Variants in ABR observed in about 807,000 individuals in gnomAD.
ABR encodes the protein ABR activator of RhoGEF and GTPase.
ABR carries 35 observed loss-of-function variants against 107.2 expected under a neutral mutation model. That is an observed-to-expected ratio of 0.33 (90% confidence interval 0.25 to 0.43). ABR has a LOEUF of 0.43. ABR is among the 20% of genes least tolerant of loss of function. The pLI is 1.00. For missense variants in ABR, 815 were observed against 1,115.2 expected (o/e 0.73, Z 3.83); for synonymous variants, 498 against 462.0 (o/e 1.08, Z -1.00).
Position 1,091,826 on chromosome 17 carries a change from C to A in ABR, c.370G>T (p.Ala124Ser). The A allele has an allele frequency of 6.2e-7, 1 of 1,613,260 alleles. No individual in the cohort carries two copies. The highest frequency in any genetic ancestry group is 8.5e-7 in the Non-Finnish European group (1 of 1,179,620). ...GTGAGCACGGGCTGGGAGGTGGTGG[C>A]GGTGGCCTTCAGGGGTTTCATGGGC... ...LLPMKPLKATATTSQPVLTIQ... is the reference protein window; with the variant it reads ...LLPMKPLKATSTTSQPVLTIQ... The change falls in exon 4 of 23, where the codon GCC (alanine) becomes TCC (serine). Residue 124 changes from alanine (A) to serine (S), a missense_variant. Ala to Ser is a moderately conservative substitution (Grantham distance 99). This residue lies in a region of ABR where 385 missense variants were observed against 596.9 expected (regional missense o/e 0.64). Coordinates refer to ENST00000302538, the MANE Select transcript of ABR (RefSeq NM_021962.5).
At chr17:1,034,492 C>T (rs1464062794) in intron 16 of ABR, among the ~76,000 whole-genome samples, 4 of 152,194 alleles carry the variant, frequency 2.6e-5, no homozygotes, top group Admixed American at 6.5e-5. Flanking sequence ...TCCCATATTA[C>T]GGCCTCAGAA....
At chr17:1,067,653 T>C (rs1776685349) in intron 9 of ABR, among the ~76,000 whole-genome samples, 1 of 152,220 alleles carries the variant, frequency 6.6e-6, no homozygotes, top group Non-Finnish European at 1.5e-5. Flanking sequence ...CAGGTGTTAT[T>C]CCAAATGCCA....
At chr17:1,068,971 CGTG>C (rs1186082861) in intron 9 of ABR, among the ~76,000 whole-genome samples, 1 of 152,172 alleles carries the variant, frequency 6.6e-6, no homozygotes, top group Non-Finnish European at 1.5e-5. Flanking sequence ...TAGCAGGAGA[CGTG>C]GTGAATATTC....
At chr17:1,192,707 G>A (rs975809839) in intron 1 of ABR, among the ~76,000 whole-genome samples, 1 of 152,184 alleles carries the variant, frequency 6.6e-6, no homozygotes, top group South Asian at 2.1e-4. Context: ...GAGGCCACGA[G>A]TTCAAGACCA....
At chr17:1,101,136 T>A (rs915927647) in intron 2 of ABR, 6 of 155,352 alleles carry the variant, frequency 3.9e-5, no homozygotes, top group Non-Finnish European at 3.8e-5. Context: ...TATGCCAGAC[T>A]AATTTTTTTT....
At chr17:1,191,195 C>T (rs1210837547), upstream of ABR, among the ~76,000 whole-genome samples, 1 of 152,098 alleles carries the variant, frequency 6.6e-6, no homozygotes, top group African/African-American at 2.4e-5. Flanking sequence ...ATCCGGTTCT[C>T]GGGCCTCGAG....
rs2040651621 is a variant in ABR at position 1,148,544 on chromosome 17, G to C, written c.62-23177C>G. Among the ~76,000 whole-genome samples the C allele has an allele frequency of 6.6e-6, 1 of 152,210 alleles. No homozygotes were observed. The highest frequency in any genetic ancestry group is 2.4e-5 in the African/African-American group (1 of 41,454). ...AACCAGGATGCACAGCCGGAGGTGAGTGGTGGGTGAGCAAGCGTCACCCCC... is the reference window on the plus strand; with the variant it reads ...AACCAGGATGCACAGCCGGAGGTGACTGGTGGGTGAGCAAGCGTCACCCCC... On this transcript the variant is annotated intron_variant, in intron 1 of 22. Transcript: ENST00000302538. The surrounding 1 kb of genome is among the most constrained non-coding windows in gnomAD (Gnocchi z 4.9).
rs1050060880 is a variant in ABR, at chr17:1,070,660, C to T, written c.895-570G>A. Among the ~76,000 whole-genome samples the T allele has an allele frequency of 1.3e-5, 2 of 152,000 alleles. No homozygotes were observed. The highest frequency in any genetic ancestry group is 6.6e-5 in the Admixed American group (1 of 15,256). ...TGGGGATGAGACCTGGGCCCTCCAG[C>T]CTGGGACTGCAGCAGTGCCCAGAGG... On this transcript the variant is annotated intron_variant, in intron 8 of 22. Coordinates refer to ENST00000302538, the MANE Select transcript of ABR (RefSeq NM_021962.5). This position sits in a 1 kb window ranked among gnomAD's most constrained non-coding sequence, Gnocchi z 4.2.
Position 1,027,870 on chromosome 17 carries a change from C to T in ABR, c.1792-14706G>A, listed in dbSNP as rs73285568. ...CAGAAGGCTGCGAGATCTTTCCTGACGCCCAGACTGGATTATAAAATAAAG... is the reference window on the plus strand; with the variant it reads ...CAGAAGGCTGCGAGATCTTTCCTGATGCCCAGACTGGATTATAAAATAAAG... On this transcript the variant is annotated intron_variant, in intron 16 of 22. Transcript: ENST00000302538. The surrounding 1 kb of genome is among the most constrained non-coding windows in gnomAD (Gnocchi z 4.7). 5.3e-3 allele frequency among the ~76,000 whole-genome samples: 807 copies of T among 152,120 alleles called. 7 individuals are homozygous for T. Among genetic ancestry groups the T allele is most frequent in the African/African-American group, 0.018 (749 of 41,472 alleles).
chr17:1,113,844 A>G (rs2038853671), intron 2 of ABR, among the ~76,000 whole-genome samples: 1 of 152,202 alleles, frequency 6.6e-6, no homozygotes, highest in Admixed American at 6.5e-5. Flanking sequence ...AGTTAGTTAT[A>G]CATTTTTCCT....
chr17:1,105,977 C>T (rs2038219982), intron 2 of ABR, among the ~76,000 whole-genome samples: 1 of 152,160 alleles, frequency 6.6e-6, no homozygotes, highest in Admixed American at 6.5e-5. Context: ...CTACAACGCC[C>T]CCGTCACAAC....
chr17:1,057,932 G>A (rs768458049), intron 12 of ABR, 38 bp downstream of exon 12: 36 of 1,569,892 alleles, frequency 2.3e-5, no homozygotes, highest in South Asian at 1.7e-4. Flanking sequence ...TCAATGCCAC[G>A]GACATCATTG....
intron 4 of ABR, among the ~76,000 whole-genome samples, chr17:1,087,603 C>T (rs183464080): frequency 6.6e-6 from 1 of 152,002 alleles, no homozygotes; most frequent in Non-Finnish European, 1.5e-5. Flanking sequence ...CGGGGCCGGA[C>T]GGGAGGGAGT....
At chr17:1,036,975 GTTTC>G (rs1385969362) in intron 16 of ABR, among the ~76,000 whole-genome samples, 2 of 151,954 alleles carry the variant, frequency 1.3e-5, no homozygotes, top group African/African-American at 4.8e-5. Flanking sequence ...AGCTATGTTT[GTTTC>G]TTTCTTTCCT....
Position 1,047,845 on chromosome 17 carries a change from A to G in ABR, c.1791+2205T>C, listed in dbSNP as rs1411626126. On this transcript the variant is annotated intron_variant, in intron 16 of 22. Transcript: ENST00000302538. ...TGTGCAGCTGAGTGAGAAGGAGGGAAGCAATGGGGCTGAAGTCCAGGTGGG... is the reference window on the plus strand; with the variant it reads ...TGTGCAGCTGAGTGAGAAGGAGGGAGGCAATGGGGCTGAAGTCCAGGTGGG... Among the ~76,000 whole-genome samples the G allele has an allele frequency of 2.6e-5, 4 of 152,232 alleles. No individual in the cohort carries two copies. In the East Asian group the frequency reaches 7.7e-4, roughly 29 times the overall value.
rs977035804 is a variant in ABR, at chr17:1,157,211, C to T, written c.61+22456G>A. On this transcript the variant is annotated intron_variant, in intron 1 of 22. Transcript: ENST00000302538. The surrounding 1 kb of genome is among the most constrained non-coding windows in gnomAD (Gnocchi z 4.7). Reference sequence around the variant, plus strand: ...GCAGTCTGGTCTCAGACACTACCCTCTCTTGCTACTAAGTCAGTCGTGCTA... The same window carrying T: ...GCAGTCTGGTCTCAGACACTACCCTTTCTTGCTACTAAGTCAGTCGTGCTA... Among the ~76,000 whole-genome samples the T allele has an allele frequency of 6.6e-6, 1 of 151,628 alleles. No individual in the cohort carries two copies. The highest frequency in any genetic ancestry group is 2.1e-4 in the South Asian group (1 of 4,810).
chr17:1,022,980 C>T (rs899846978), intron 16 of ABR, among the ~76,000 whole-genome samples: 30 of 146,048 alleles, frequency 2.1e-4, no homozygotes, highest in Non-Finnish European at 4.5e-4. Context: ...CATTCTAGCA[C>T]CTCTGCCTGC....
chr17:1,078,983 C>T lies in ABR; in HGVS notation c.700+347G>A, dbSNP rs938863621. The T allele has an allele frequency of 9.5e-6, 14 of 1,470,670 alleles. No homozygotes were observed. Among genetic ancestry groups the T allele is most frequent in the South Asian group, 2.6e-5 (2 of 76,482 alleles). 91.1% of individuals were successfully genotyped at this position (1,470,670 alleles called of 1,614,324 possible). A position where few individuals can be genotyped will look rare whatever the true frequency, so the allele number is the denominator to read the frequency against. ...CGCACGGACTCCAGCATCGGGCAGC[C>T]GCTCCGGAGTGCTCTTCCAGCAAGG... On this transcript the variant is annotated intron_variant, in intron 6 of 22. Coordinates refer to ENST00000302538, the MANE Select transcript of ABR (RefSeq NM_021962.5). This position sits in a 1 kb window ranked among gnomAD's most constrained non-coding sequence, Gnocchi z 7.5.
In ABR at chr17:1,071,500, T is replaced by C. The variant is rs1031851041; in HGVS notation, c.894+1114A>G. 2.0e-5 allele frequency among the ~76,000 whole-genome samples: 3 copies of C among 152,216 alleles called. No individual in the cohort carries two copies. Among genetic ancestry groups the C allele is most frequent in the Non-Finnish European group, 4.4e-5 (3 of 68,038 alleles). ...CAACTGTCCCTCTCATGCTTCCTGG[T>C]ACTCCCCTTGCTGGGCTGTCCCCAC... is the stretch of plus-strand genomic sequence containing the variant. On this transcript the variant is annotated intron_variant, in intron 8 of 22. Coordinates refer to ENST00000302538, the MANE Select transcript of ABR (RefSeq NM_021962.5). The surrounding 1 kb of genome is among the most constrained non-coding windows in gnomAD (Gnocchi z 5.1).
Sources: allele counts gnomAD v4.1 joint callset (sites outside exome capture counted in the v4.1 genomes callset), GRCh38; gene constraint gnomAD v4.1.1; regional missense constraint gnomAD v4.1.1; non-coding constraint Gnocchi (gnomAD v3.1); transcripts MANE v1.5; gene names NCBI Gene and HGNC (gene_info 2026-07-23, HGNC 2026-07-21).